Variants in UBXN1 observed in about 807,000 individuals in gnomAD.
The protein encoded by UBXN1 is UBX domain protein 1, also known as UBX domain-containing protein 1.
UBXN1 carries 21 observed loss-of-function variants against 42.0 expected under a neutral mutation model. The ratio of observed to expected loss-of-function variants is 0.50; its 90% confidence interval spans 0.35 to 0.72. UBXN1 has a LOEUF of 0.72. UBXN1 is among the 30% of genes least tolerant of loss of function. UBXN1 has a pLI of 0.00. For synonymous variants in UBXN1, 172 were observed against 142.6 expected (o/e 1.21, Z -1.47); for missense variants, 374 against 382.2 (o/e 0.98, Z 0.18).
Position 62,678,402 on chromosome 11 carries a change from C to T in UBXN1, c.227G>A (p.Gly76Asp). 5 of 1,614,144 alleles carry T rather than the reference C, an allele frequency of 3.1e-6. No individual in the cohort carries two copies. Among genetic ancestry groups the T allele is most frequent in the Non-Finnish European group, 4.2e-6 (5 of 1,180,030 alleles). ...SSEQGGLEGS[G>D]SAAGEGKPAL... The stretch of plus-strand genomic sequence containing the variant: ...GGGTTTGCCTTCTCCGGCAGCAGAA[C>T]CAGATCCTACAAACAAACAATCGGT... The change falls in exon 4 of 9, where the codon GGT (glycine) becomes GAT (aspartate). Residue 76 changes from glycine (G) to aspartate (D), a missense_variant. Coordinates refer to ENST00000301935, the MANE Select transcript of UBXN1 (RefSeq NM_001286077.2).
In UBXN1 at chr11:62,677,992, C is replaced by T. The variant is rs1207192750; in HGVS notation, c.417G>A (p.Gln139=). 2 of 1,614,184 alleles carry T rather than the reference C, an allele frequency of 1.2e-6. No homozygotes were observed. The highest frequency in any genetic ancestry group is 2.2e-5 in the South Asian group (2 of 91,080). ...QELSAARQRL[Q]EDEMRRAAEE... is the part of the protein sequence containing the mutation. Reference sequence around the variant, plus strand: ...CAGCAGCCCGGCGCATCTCATCTTCCTGTAGCCGCTGTCGTGCTGCTGACA... The same window carrying T: ...CAGCAGCCCGGCGCATCTCATCTTCTTGTAGCCGCTGTCGTGCTGCTGACA... Residue 139 remains glutamine, a synonymous_variant, in exon 5 of 9, where the codon CAG becomes CAA. Transcript: ENST00000301935.
rs763404374 is a variant in UBXN1 at position 62,678,101 on chromosome 11, G to A, written c.308C>T (p.Ala103Val). 14 of 1,614,102 alleles carry A rather than the reference G, an allele frequency of 8.7e-6. No individual in the cohort carries two copies. Among genetic ancestry groups the A allele is most frequent in the Non-Finnish European group, 1.1e-5 (13 of 1,180,002 alleles). Residue 103 changes from alanine to valine, a missense_variant, in exon 5 of 9, where the codon GCC becomes GTC. Ala to Val is a moderately conservative substitution (Grantham distance 64, BLOSUM62 0). Coordinates refer to ENST00000301935, the MANE Select transcript of UBXN1 (RefSeq NM_001286077.2). ...EQTKRMLELVAQKQREREERE... is the reference protein window; with the variant it reads ...EQTKRMLELVVQKQREREERE... ...TTCTTCACGCTCCCGCTGCTTCTGGGCCACCAGCTCCAACATCCTGTGTTG... is the reference window on the plus strand; with the variant it reads ...TTCTTCACGCTCCCGCTGCTTCTGGACCACCAGCTCCAACATCCTGTGTTG...
Position 62,677,774 on chromosome 11 carries a change from C to T in UBXN1, c.534+7G>A. On this transcript the variant is annotated splice_region_variant and intron_variant, in intron 6 of 8. Transcript: ENST00000301935. ...CCATTACCCGTGGCGTCTTCTCAGT[C>T]ACCTACCTTCTTGGCTCTCTCTGCT... 6.2e-7 allele frequency: 1 copy of T among 1,614,252 alleles called. No individual in the cohort carries two copies. Among genetic ancestry groups the T allele is most frequent in the Non-Finnish European group, 8.5e-7 (1 of 1,180,048 alleles).
Position 62,678,048 on chromosome 11 carries a change from C to T in UBXN1, c.361G>A (p.Glu121Lys), listed in dbSNP as rs779591061. The change falls in exon 5 of 9, where the codon GAA becomes AAA. Residue 121 changes from glutamate to lysine, a missense_variant. Glu to Lys is a moderately conservative substitution (Grantham distance 56, BLOSUM62 1). Transcript: ENST00000301935. ...EREEREALERERQRRRQGQEL... is the reference protein window; with the variant it reads ...EREEREALERKRQRRRQGQEL... Reference sequence around the variant, plus strand: ...TGCCCTTGTCTCCTGCGCTGCCGTTCCCGTTCCAATGCCTCCCGTTCCTCT... The same window carrying T: ...TGCCCTTGTCTCCTGCGCTGCCGTTTCCGTTCCAATGCCTCCCGTTCCTCT... The T allele has an allele frequency of 6.2e-7, 1 of 1,614,160 alleles. No homozygotes were observed. The highest frequency in any genetic ancestry group is 1.7e-5 in the Admixed American group (1 of 59,998).
rs753160168 is a variant in UBXN1 at position 62,678,031 on chromosome 11, T to C, written c.378A>G (p.Arg126=). The part of the protein sequence containing the change: ...EALERERQRR[R]QGQELSAARQ... Reference sequence around the variant, plus strand: ...GTGCTGCTGACAACTCTTGCCCTTGTCTCCTGCGCTGCCGTTCCCGTTCCA... The same window carrying C: ...GTGCTGCTGACAACTCTTGCCCTTGCCTCCTGCGCTGCCGTTCCCGTTCCA... The change falls in exon 5 of 9, where the codon AGA becomes AGG. Residue 126 remains arginine (R), a synonymous_variant. Coordinates refer to ENST00000301935, the MANE Select transcript of UBXN1 (RefSeq NM_001286077.2). 2.5e-6 allele frequency: 4 copies of C among 1,614,112 alleles called. No individual in the cohort carries two copies. Among genetic ancestry groups the C allele is most frequent in the Non-Finnish European group, 3.4e-6 (4 of 1,180,046 alleles).
chr11:62,678,229 G>A (rs781219117), intron 4 of UBXN1, 110 bp downstream of exon 4: 8 of 1,605,020 alleles, frequency 5.0e-6, no homozygotes, highest in Non-Finnish European at 2.6e-6. Flanking sequence ...TAAAGGAAAA[G>A]AAAATGCCAA....
At chr11:62,677,469 A>G (rs761415882) in intron 7 of UBXN1, 49 bp downstream of exon 7, 1 of 1,594,114 alleles carries the variant, frequency 6.3e-7, no homozygotes, top group Non-Finnish European at 8.6e-7. Flanking sequence ...GGGCACCTTA[A>G]CACGGAACAA....
At chr11:62,678,764 A>C in intron 1 of UBXN1, 21 bp from the exon 2 acceptor site, 1 of 1,613,136 alleles carries the variant, frequency 6.2e-7, no homozygotes. Context: ...AAACACCATG[A>C]ATAGCGCCCA....
Position 62,678,962 on chromosome 11 carries a change from G to C in UBXN1, c.-39C>G. ...CGGCTTCCGCGGGGACCTGGTGTGT[G>C]ACGAGAAGGAGGGCGGGAAGGGTCA... On this transcript the variant is annotated 5_prime_UTR_variant, in exon 1 of 9. Coordinates refer to ENST00000301935, the MANE Select transcript of UBXN1 (RefSeq NM_001286077.2). 1 of 1,550,036 alleles carries C rather than the reference G, an allele frequency of 6.5e-7. No individual in the cohort carries two copies. The highest frequency in any genetic ancestry group is 8.7e-7 in the Non-Finnish European group (1 of 1,151,170).
chr11:62,676,906 G>T lies in UBXN1; in HGVS notation c.751C>A (p.Leu251Ile), dbSNP rs373156057. ...TGCACAGGGTCCTGGCCCCCACCTA[G>T]TTCCTCCCCACGGTGGAGCTCCACA... ...LYVELHRGEE[L>I]GGGQDPVQLL... is the part of the protein sequence containing the mutation. The change falls in exon 8 of 9, where the codon CTA (leucine) becomes ATA (isoleucine). Residue 251 changes from leucine to isoleucine, a missense_variant. Leu to Ile is a conservative substitution (Grantham distance 5). Coordinates refer to ENST00000301935, the MANE Select transcript of UBXN1 (RefSeq NM_001286077.2). 1 of 1,613,892 alleles carries T rather than the reference G, an allele frequency of 6.2e-7. No homozygotes were observed. The highest frequency in any genetic ancestry group is 1.3e-5 in the African/African-American group (1 of 75,048).
Position 62,676,965 on chromosome 11 carries a change from C to G in UBXN1, c.692G>C (p.Arg231Pro). 6.2e-7 allele frequency: 1 copy of G among 1,612,006 alleles called. No homozygotes were observed. The highest frequency in any genetic ancestry group is 8.5e-7 in the Non-Finnish European group (1 of 1,180,028). ...CACAGCTGCCAGCTGTTCCCGGGCC[C>G]GGAACGTCTGGGTCAGTGAGGTCCC... is the stretch of plus-strand genomic sequence containing the variant. ...PDGTSLTQTF[R>P]AREQLAAVRL... Residue 231 changes from arginine to proline, a missense_variant, in exon 8 of 9, where the codon CGG (arginine) becomes CCG (proline). By Grantham distance (103) the Arg-to-Pro change is moderately radical. Coordinates refer to ENST00000301935, the MANE Select transcript of UBXN1 (RefSeq NM_001286077.2).
At chr11:62,678,223 GGAAAA>G in intron 4 of UBXN1, 105 bp from the exon 5 acceptor site, 1 of 1,605,274 alleles carries the variant, frequency 6.2e-7, no homozygotes, top group Non-Finnish European at 8.5e-7. Context: ...GTAGATTAAA[GGAAAA>G]GAAAATGCCA....
In UBXN1 at chr11:62,677,788, G is replaced by A. The variant is rs992505898; in HGVS notation, c.527C>T (p.Ala176Val). 3 of 1,614,026 alleles carry A rather than the reference G, an allele frequency of 1.9e-6. No individual in the cohort carries two copies. The highest frequency in any genetic ancestry group is 1.7e-5 in the Admixed American group (1 of 59,998). The change falls in exon 6 of 9, where the codon GCC becomes GTC. Residue 176 changes from alanine to valine, a missense_variant. Physicochemically the swap from Ala to Val is moderately conservative, Grantham distance 64. Coordinates refer to ENST00000301935, the MANE Select transcript of UBXN1 (RefSeq NM_001286077.2). ...EKIERDKAER[A>V]KKYGGSVGSQ... The stretch of plus-strand genomic sequence containing the variant: ...GTCTTCTCAGTCACCTACCTTCTTG[G>A]CTCTCTCTGCTTTGTCCCTCTCGAT...
At chr11:62,676,753 C>T in intron 8 of UBXN1, 60 bp downstream of exon 8, 2 of 1,614,162 alleles carry the variant, frequency 1.2e-6, no homozygotes, top group Non-Finnish European at 1.7e-6. Context: ...CCTCCTTTTC[C>T]TAGGCATGCC....
In UBXN1 at chr11:62,677,909, C is replaced by T. The variant is rs1565135241; in HGVS notation, c.482+18G>A. 6.2e-7 allele frequency: 1 copy of T among 1,614,090 alleles called. No individual in the cohort carries two copies. Among genetic ancestry groups the T allele is most frequent in the Non-Finnish European group, 8.5e-7 (1 of 1,179,926 alleles). On this transcript the variant is annotated intron_variant, in intron 5 of 8. Coordinates refer to ENST00000301935, the MANE Select transcript of UBXN1 (RefSeq NM_001286077.2). ...GATTTCTTTCTCATCTGCTATCCAT[C>T]ATTTCCCCTGCCCAGACCTGGCTGC...
Position 62,676,673 on chromosome 11 carries a change from G to A in UBXN1, c.845-34C>T, listed in dbSNP as rs767830562. 3.7e-6 allele frequency: 6 copies of A among 1,614,148 alleles called. 1 individual carries two copies. In the South Asian group the frequency reaches 6.6e-5, roughly 18 times the overall value. ...GGAAGAAAACAGGCTTGAACCACAA[G>A]GATACTTGGTTTTTGCTCCCAAAAT... On this transcript the variant is annotated intron_variant, in intron 8 of 8. Transcript: ENST00000301935.
At position 62,677,834 on chromosome 11, in the gene UBXN1, T is replaced by C; in HGVS notation, c.483-2A>G. The C allele has an allele frequency of 6.2e-7, 1 of 1,614,238 alleles. No homozygotes were observed. The highest frequency in any genetic ancestry group is 8.5e-7 in the Non-Finnish European group (1 of 1,180,046). Reference sequence around the variant, plus strand: ...TCGATCTTTTCTCTAACTCTTTGTCTGAAATGTAGACAAGAAGAAATTAGG... The same window carrying C: ...TCGATCTTTTCTCTAACTCTTTGTCCGAAATGTAGACAAGAAGAAATTAGG... On this transcript the variant is annotated splice_acceptor_variant, in intron 5 of 8. Coordinates refer to ENST00000301935, the MANE Select transcript of UBXN1 (RefSeq NM_001286077.2). LOFTEE classifies it high-confidence loss of function.
At chr11:62,676,701 C>T in intron 8 of UBXN1, 62 bp from the exon 9 acceptor site, 1 of 1,614,170 alleles carries the variant, frequency 6.2e-7, no homozygotes, top group Non-Finnish European at 8.5e-7. Context: ...CCCAAAATTC[C>T]TGGCCTTGCA....
rs773316149 is a variant in UBXN1, at chr11:62,678,070, C to G, written c.339G>C (p.Glu113Asp). 6.2e-7 allele frequency: 1 copy of G among 1,614,168 alleles called. No homozygotes were observed. The highest frequency in any genetic ancestry group is 1.1e-5 in the South Asian group (1 of 91,074). ...GTTCCCGTTCCAATGCCTCCCGTTC[C>G]TCTCTTTCTTCACGCTCCCGCTGCT... ...AQKQREREEREEREALERERQ... is the reference protein window; with the variant it reads ...AQKQREREERDEREALERERQ... The change falls in exon 5 of 9, where the codon GAG becomes GAC. Residue 113 changes from glutamate to aspartate, a missense_variant. Transcript: ENST00000301935.
Sources: gnomAD v4.1 joint callset for allele counts on GRCh38, gnomAD v4.1.1 for gene constraint, MANE v1.5 for transcripts, NCBI Gene and HGNC (gene_info 2026-07-23, HGNC 2026-07-21) for gene names.